Variants in CYP4F22 observed in about 807,000 individuals in gnomAD.
CYP4F22 encodes the protein ultra-long-chain fatty acid omega-hydroxylase.
CYP4F22 carries 37 observed loss-of-function variants against 60.4 expected under a neutral mutation model. The ratio of observed to expected loss-of-function variants is 0.61; its 90% CI spans 0.47 to 0.81. CYP4F22 has a LOEUF of 0.81. CYP4F22 is among the 30% of genes least tolerant of loss of function. The probability of loss-of-function intolerance (pLI) is 0.00; values close to 1 mark genes in which losing one functional copy is unlikely to be tolerated. For synonymous variants in CYP4F22, 258 were observed against 280.5 expected, an observed-to-expected ratio of 0.92 and a Z score of 0.80; for missense variants, 655 against 715.0, an observed-to-expected ratio of 0.92 and a Z score of 0.96.
intron 4 of CYP4F22, among the ~76,000 whole-genome samples, chr19:15,531,673 G>A (rs1039475304): frequency 2.6e-5 from 4 of 152,162 alleles, no homozygotes; most frequent in African/African-American, 9.7e-5. Flanking sequence ...AGAGCCCTGG[G>A]CCAGGACTGA....
intron 3 of CYP4F22, among the ~76,000 whole-genome samples, 176 bp downstream of exon 3, chr19:15,525,734 A>G (rs1971276297): frequency 6.6e-6 from 1 of 152,186 alleles, no homozygotes; most frequent in Non-Finnish European, 1.5e-5. Context: ...AGTTTACCCA[A>G]GGTCACACAG....
At chr19:15,545,639 A>T (rs1340903979) in intron 10 of CYP4F22, among the ~76,000 whole-genome samples, 4 of 119,438 alleles carry the variant, frequency 3.3e-5, no homozygotes, top group Non-Finnish European at 6.8e-5. Context: ...ACAGAGTGAG[A>T]CCCTGTCTCA....
intron 1 of CYP4F22, among the ~76,000 whole-genome samples, chr19:15,521,755 C>T (rs144340116): frequency 9.3e-4 from 141 of 152,298 alleles, no homozygotes; most frequent in Middle Eastern, 6.8e-3. Flanking sequence ...ACTGCAGCCT[C>T]GAACAACTGG....
At chr19:15,508,780 G>T (rs1461571171) in intron 1 of CYP4F22, among the ~76,000 whole-genome samples, 197 bp downstream of exon 1, 1 of 152,098 alleles carries the variant, frequency 6.6e-6, no homozygotes, top group Non-Finnish European at 1.5e-5. Context: ...TGGGGAGAGG[G>T]GCACGTGGGT....
intron 3 of CYP4F22, among the ~76,000 whole-genome samples, chr19:15,529,194 T>C (rs1004391192): frequency 4.0e-5 from 6 of 151,754 alleles, no homozygotes; most frequent in African/African-American, 1.2e-4. Flanking sequence ...AATGGCATGA[T>C]CTCGGCTCAC....
chr19:15,551,920 G>C lies in CYP4F22; in HGVS notation c.*449G>C. On this transcript the variant is annotated 3_prime_UTR_variant, in exon 14 of 14. Transcript: ENST00000269703. Reference sequence around the variant, plus strand: ...CCCCCCCCAACTGGCTGAACCCCTGGCAGGCTTCCAAACTGAGGAAAGCTG... The same window carrying C: ...CCCCCCCCAACTGGCTGAACCCCTGCCAGGCTTCCAAACTGAGGAAAGCTG... 5.7e-6 allele frequency: 1 copy of C among 175,558 alleles called. No homozygotes were observed. Among genetic ancestry groups the C allele is most frequent in the South Asian group, 1.2e-4 (1 of 8,310 alleles). The allele number at this position is 175,558 out of a possible 1,614,324, so 10.9% of individuals were successfully genotyped here. A position where few individuals can be genotyped will look rare whatever the true frequency, so the allele number is the denominator to read the frequency against.
intron 13 of CYP4F22, 71 bp from the exon 14 acceptor site, chr19:15,551,223 G>C: frequency 6.4e-7 from 1 of 1,555,168 alleles, no homozygotes; most frequent in Non-Finnish European, 8.7e-7. Flanking sequence ...ATTTTCAAAG[G>C]AGGCATGTGA....
chr19:15,545,648 C>CAA (rs1217096575), intron 10 of CYP4F22, among the ~76,000 whole-genome samples: 114 of 38,842 alleles, frequency 2.9e-3, no homozygotes, highest in African/African-American at 5.1e-3. Context: ...GACCCTGTCT[C>CAA]AAAAAAAAAA....
At chr19:15,524,650 AAAAG>A (rs1027272509) in intron 2 of CYP4F22, among the ~76,000 whole-genome samples, 5 of 147,712 alleles carry the variant, frequency 3.4e-5, no homozygotes, top group African/African-American at 1.0e-4. Flanking sequence ...CCTTCTTTCA[AAAAG>A]AAAGAAAGAA....
At chr19:15,547,018 G>GTTTTTTTGTTTTT (rs1971533950) in intron 10 of CYP4F22, among the ~76,000 whole-genome samples, 1 of 82,330 alleles carries the variant, frequency 1.2e-5, no homozygotes, top group Non-Finnish European at 2.1e-5. Context: ...GCCTGCACCA[G>GTTTTTTTGTTTTT]TTTTTTTTTT....
intron 1 of CYP4F22, among the ~76,000 whole-genome samples, chr19:15,510,616 T>A (rs1233896861): frequency 6.6e-6 from 1 of 152,030 alleles, no homozygotes; most frequent in East Asian, 1.9e-4. Context: ...ATGGTCTAGA[T>A]TATTAGTGGT....
chr19:15,513,491 A>C (rs905839902), intron 1 of CYP4F22, among the ~76,000 whole-genome samples: 8 of 151,248 alleles, frequency 5.3e-5, no homozygotes, highest in African/African-American at 1.9e-4. Context: ...CAGCCTCCCG[A>C]GTAGCTGGGA....
chr19:15,537,913 T>C lies in CYP4F22; in HGVS notation c.591T>C (p.Leu197=), dbSNP rs1351840376. 1 of 1,614,224 alleles carries C rather than the reference T, an allele frequency of 6.2e-7. No individual in the cohort carries two copies. Among genetic ancestry groups the C allele is most frequent in the South Asian group, 1.1e-5 (1 of 91,082 alleles). The change falls in exon 7 of 14, where the codon CTT becomes CTC. Residue 197 remains leucine (L), a synonymous_variant. Transcript: ENST00000269703. The stretch of plus-strand genomic sequence containing the variant: ...TGGCAGAGGGCTCAGCGGTCTCCCT[T>C]GATATGTTTGAGCATATCAGCCTCA... ...RHLAEGSAVS[L]DMFEHISLMT... is the part of the protein sequence containing the mutation.
chr19:15,520,427 G>T (rs542093140), intron 1 of CYP4F22, among the ~76,000 whole-genome samples: 31 of 129,508 alleles, frequency 2.4e-4, no homozygotes, highest in Non-Finnish European at 4.5e-4. Flanking sequence ...ACGGAGTTTT[G>T]CTCTTGTCAC....
rs1163487443 is a variant in CYP4F22, at chr19:15,552,262, GCTAGGAGGCTGGAAAGCCATTTATC to G, written c.*798_*822del. 6.6e-6 allele frequency: 1 copy of G among 152,210 alleles called. No individual in the cohort carries two copies. The highest frequency in any genetic ancestry group is 6.5e-5 in the Admixed American group (1 of 15,282). 9.4% of individuals were successfully genotyped at this position (152,210 alleles called of 1,614,324 possible). A position where few individuals can be genotyped will look rare whatever the true frequency, so the allele number is the denominator to read the frequency against. ...GCTCTGCAACTGAGCGAAGCTGCGGGCTAGGAGGCTGGAAAGCCATTTATCCTAGGACATAAACTCAGATTTTGGG... is the reference window on the plus strand; with the variant it reads ...GCTCTGCAACTGAGCGAAGCTGCGGGCTAGGACATAAACTCAGATTTTGGG... On this transcript the variant is annotated 3_prime_UTR_variant, in exon 14 of 14. Transcript: ENST00000269703.
At chr19:15,527,742 G>A (rs904207516) in intron 3 of CYP4F22, among the ~76,000 whole-genome samples, 2 of 152,212 alleles carry the variant, frequency 1.3e-5, no homozygotes, top group Non-Finnish European at 2.9e-5. Flanking sequence ...TGAATCATTT[G>A]GCAATTGCTG....
intron 1 of CYP4F22, among the ~76,000 whole-genome samples, chr19:15,512,859 G>A (rs1971107325): frequency 6.6e-6 from 1 of 152,044 alleles, no homozygotes. Context: ...TGGGTGACAT[G>A]TGCTCATGGT....
intron 10 of CYP4F22, among the ~76,000 whole-genome samples, chr19:15,547,769 C>T (rs564787513): frequency 4.0e-5 from 6 of 151,308 alleles, no homozygotes; most frequent in Admixed American, 1.3e-4. Flanking sequence ...GTTGCAGTGA[C>T]CCGAGATGCG....
chr19:15,515,295 A>C, intron 1 of CYP4F22: 3 of 1,076,012 alleles, frequency 2.8e-6, no homozygotes, highest in Non-Finnish European at 4.2e-6. Flanking sequence ...TAATATTTTC[A>C]GTGTATATGT....
Sources: gnomAD v4.1 joint callset for allele counts (sites outside exome capture counted in the v4.1 genomes callset) on GRCh38, gnomAD v4.1.1 for gene constraint, MANE v1.5 for transcripts, NCBI Gene and HGNC (gene_info 2026-07-23, HGNC 2026-07-21) for gene names.